Variants in PEPD observed in about 807,000 individuals in gnomAD.
The protein encoded by PEPD is peptidase D.
Under a neutral mutation model 60.7 loss-of-function variants are expected in PEPD, and 53 were observed. The observed-to-expected ratio is 0.87, with a 90% confidence interval of 0.70 to 1.10. PEPD has a LOEUF of 1.10. Among genes scored for constraint, PEPD ranks in the 50% least tolerant of loss-of-function variants. PEPD has a pLI of 0.00. For missense variants in PEPD, 711 were observed against 711.9 expected (o/e 1.00, Z 0.01); for synonymous variants, 267 against 284.1 (o/e 0.94, Z 0.60).
intron 9 of PEPD, among the ~76,000 whole-genome samples, chr19:33,426,423 G>T (rs1969150097): frequency 6.6e-6 from 1 of 152,256 alleles, no homozygotes; most frequent in African/African-American, 2.4e-5. Context: ...TCTCTGGAAA[G>T]TGCTGTTTCC....
chr19:33,512,691 G>A lies in PEPD; in HGVS notation c.103C>T (p.Arg35Trp), dbSNP rs185183225. Residue 35 changes from arginine to tryptophan, a missense_variant, in exon 2 of 15, where the codon CGG becomes TGG. Physicochemically the swap from Arg to Trp is moderately radical, Grantham distance 101. Coordinates refer to ENST00000244137, the MANE Select transcript of PEPD (RefSeq NM_000285.4). Reference sequence around the variant, plus strand: ...CCGGCCTGCACAGCAGGGTTCTTCCGCAGCCGCTCACACAGGCGCTGCCGG... The same window carrying A: ...CCGGCCTGCACAGCAGGGTTCTTCCACAGCCGCTCACACAGGCGCTGCCGG... Reference protein sequence around the residue: ...LNRQRLCERLRKNPAVQAGSI... With the variant: ...LNRQRLCERLWKNPAVQAGSI... The A allele has an allele frequency of 1.7e-5, 28 of 1,613,982 alleles. No homozygotes were observed. Among genetic ancestry groups the A allele is most frequent in the Admixed American group, 1.0e-4 (6 of 60,030 alleles).
intron 11 of PEPD, among the ~76,000 whole-genome samples, chr19:33,404,972 G>C (rs891529091): frequency 9.9e-5 from 15 of 152,238 alleles, no homozygotes; most frequent in African/African-American, 3.4e-4. Flanking sequence ...CGACAATGGA[G>C]AATTCGGTCA....
intron 9 of PEPD, among the ~76,000 whole-genome samples, chr19:33,458,862 GCGTGTGTGT>G (rs1340311528): frequency 2.7e-5 from 4 of 148,224 alleles, no homozygotes; most frequent in African/African-American, 7.5e-5. Context: ...GTATGGTGTG[GCGTGTGTGT>G]CATGTGTGTG....
chr19:33,518,868 C>T (rs1971076956), intron 1 of PEPD, among the ~76,000 whole-genome samples: 1 of 152,118 alleles, frequency 6.6e-6, no homozygotes, highest in Admixed American at 6.6e-5. Flanking sequence ...GAGTTCTGAG[C>T]ACTAAACCTT....
intron 11 of PEPD, 85 bp from the exon 12 acceptor site, chr19:33,401,954 G>A (rs897879460): frequency 4.5e-5 from 61 of 1,347,786 alleles, no homozygotes; most frequent in African/African-American, 2.3e-4. Context: ...CCCTGGACTC[G>A]AGGGCAGCTG....
chr19:33,499,926 C>A (rs1008382583), intron 4 of PEPD, among the ~76,000 whole-genome samples: 16 of 152,236 alleles, frequency 1.1e-4, no homozygotes, highest in African/African-American at 3.9e-4. Flanking sequence ...TCCCTGGGAA[C>A]CTGCTTCTCA....
At chr19:33,410,343 T>C (rs1056763491) in intron 11 of PEPD, among the ~76,000 whole-genome samples, 1 of 152,202 alleles carries the variant, frequency 6.6e-6, no homozygotes, top group African/African-American at 2.4e-5. Context: ...GTAGGCCATG[T>C]GCCCAAGGGC....
chr19:33,465,259 G>A (rs1041917054), intron 7 of PEPD, among the ~76,000 whole-genome samples: 2 of 152,120 alleles, frequency 1.3e-5, no homozygotes, highest in Non-Finnish European at 2.9e-5. Context: ...CCTTAGGTAG[G>A]ACATCTTGAT....
chr19:33,500,844 C>A (rs1205962550), intron 4 of PEPD, 94 bp downstream of exon 4: 1 of 806,996 alleles, frequency 1.2e-6, no homozygotes, highest in South Asian at 1.3e-5. Flanking sequence ...TCCCTGACAT[C>A]CAGCAAGGTT....
intron 7 of PEPD, among the ~76,000 whole-genome samples, chr19:33,470,428 G>A (rs1970101781): frequency 6.6e-6 from 1 of 151,824 alleles, no homozygotes; most frequent in Non-Finnish European, 1.5e-5. Context: ...TCCCTCCTCT[G>A]CCTGGAACTT....
At chr19:33,497,379 C>A (rs1360127210) in intron 4 of PEPD, among the ~76,000 whole-genome samples, 1 of 152,256 alleles carries the variant, frequency 6.6e-6, no homozygotes, top group East Asian at 1.9e-4. Flanking sequence ...AGCCGGTGAT[C>A]CCGCCAGCCT....
intron 9 of PEPD, among the ~76,000 whole-genome samples, chr19:33,457,163 G>T (rs1156628310): frequency 2.0e-5 from 3 of 151,668 alleles, no homozygotes; most frequent in African/African-American, 7.3e-5. Context: ...CGGGCATAGT[G>T]GCTTATGCCT....
intron 12 of PEPD, 122 bp from the exon 13 acceptor site, chr19:33,391,601 A>G: frequency 1.1e-6 from 1 of 878,586 alleles, no homozygotes; most frequent in Non-Finnish European, 1.8e-6. Context: ...GTGGGGGGTG[A>G]GGGGGCAAGG....
At chr19:33,453,284 A>C (rs1969730198) in intron 9 of PEPD, among the ~76,000 whole-genome samples, 2 of 150,684 alleles carry the variant, frequency 1.3e-5, no homozygotes, top group Non-Finnish European at 2.9e-5. Flanking sequence ...ACTGCCTTCC[A>C]GCCTGGGCAG....
At chr19:33,390,606 C>T (rs1219848523) in intron 13 of PEPD, among the ~76,000 whole-genome samples, 1 of 148,126 alleles carries the variant, frequency 6.8e-6, no homozygotes, top group Admixed American at 7.0e-5. Flanking sequence ...GATGGGAGCG[C>T]CCCAGCCGCC....
chr19:33,426,625 A>G (rs903038154), intron 9 of PEPD, among the ~76,000 whole-genome samples: 8 of 152,228 alleles, frequency 5.3e-5, no homozygotes, highest in African/African-American at 1.9e-4. Context: ...TGAGCACAGG[A>G]CACTGGATAC....
chr19:33,480,811 A>AGC (rs1970299949), intron 6 of PEPD, among the ~76,000 whole-genome samples: 2 of 105,136 alleles, frequency 1.9e-5, no homozygotes, highest in Non-Finnish European at 4.0e-5. Context: ...ATATATATAT[A>AGC]GCGTGTGTGT....
rs187715006 is a variant in PEPD, at chr19:33,405,895, C to T, written c.819-4026G>A. On this transcript the variant is annotated intron_variant, in intron 11 of 14. Transcript: ENST00000244137. ...CCATGACAGCAGCAGCTTCTGGTCC[C>T]CAGAGCCAGCAATCCCTGGTGCACG... Among the ~76,000 whole-genome samples, 281 of 152,364 alleles carry T rather than the reference C, an allele frequency of 1.8e-3. 2 individuals are homozygous for T. Among genetic ancestry groups the T allele is most frequent in the African/African-American group, 6.3e-3 (262 of 41,594 alleles).
At chr19:33,393,144 G>A (rs1392805130) in intron 12 of PEPD, among the ~76,000 whole-genome samples, 1 of 152,098 alleles carries the variant, frequency 6.6e-6, no homozygotes, top group Non-Finnish European at 1.5e-5. Flanking sequence ...CCTAGGGGCT[G>A]AGGTGGGGGC....
Sources: allele counts gnomAD v4.1 joint callset (sites outside exome capture counted in the v4.1 genomes callset), GRCh38; gene constraint gnomAD v4.1.1; transcripts MANE v1.5; gene names NCBI Gene and HGNC (gene_info 2026-07-23, HGNC 2026-07-21).